The following RBM47 variants were observed in gnomAD, a reference collection of about 807,000 sequenced individuals.
RBM47 encodes the protein RNA binding motif protein 47.
A neutral mutation model predicts 47.1 loss-of-function variants in RBM47; 21 were observed. The observed-to-expected ratio is 0.45, with a 90% CI of 0.32 to 0.64. The LOEUF (loss-of-function observed/expected upper bound fraction) is 0.64. Among genes scored for constraint, RBM47 ranks in the 30% least tolerant of loss-of-function variants. The pLI is 0.05. For missense variants in RBM47, 708 were observed against 870.9 expected, an observed-to-expected ratio of 0.81 and a Z score of 2.35; for synonymous variants, 375 against 361.7, an observed-to-expected ratio of 1.04 and a Z score of -0.42.
rs149317918 is a variant in RBM47 at position 40,481,858 on chromosome 4, T to C, written c.-154-15159A>G. Among the ~76,000 whole-genome samples the C allele has an allele frequency of 3.2e-4, 49 of 152,358 alleles. No individual in the cohort carries two copies. The East Asian group carries it at 9.2e-3, about 29-fold the overall frequency. ...TGAGCCTCCGCATCCAGCCTTTTTGTATTTTTAATAGAGATGGAGTTTCGC... is the reference window on the plus strand; with the variant it reads ...TGAGCCTCCGCATCCAGCCTTTTTGCATTTTTAATAGAGATGGAGTTTCGC... On this transcript the variant is annotated intron_variant, in intron 2 of 6. Coordinates refer to ENST00000295971, the MANE Select transcript of RBM47 (RefSeq NM_001098634.2).
At chr4:40,481,334 G>A (rs1246544116) in intron 2 of RBM47, among the ~76,000 whole-genome samples, 7 of 148,430 alleles carry the variant, frequency 4.7e-5, no homozygotes, top group East Asian at 4.0e-4. Context: ...GTGCAGCGGC[G>A]TGACCTTGGC....
chr4:40,591,235 G>A (rs182333166), intron 1 of RBM47, among the ~76,000 whole-genome samples: 28 of 152,244 alleles, frequency 1.8e-4, no homozygotes, highest in African/African-American at 3.6e-4. Context: ...GGTCTCCTTG[G>A]GGGGTGATGA....
intron 2 of RBM47, among the ~76,000 whole-genome samples, chr4:40,470,836 G>A (rs558748567): frequency 2.6e-3 from 395 of 152,118 alleles, no homozygotes; most frequent in African/African-American, 9.0e-3. Flanking sequence ...TCTGCTTCCC[G>A]GGTTCAAGTG....
intron 1 of RBM47, among the ~76,000 whole-genome samples, chr4:40,598,426 T>A (rs1467840604): frequency 6.6e-6 from 1 of 152,008 alleles, no homozygotes; most frequent in African/African-American, 2.4e-5. Context: ...TTTGTATTGT[T>A]TTGTAGAGAG....
intron 3 of RBM47, among the ~76,000 whole-genome samples, chr4:40,461,239 G>C (rs1717103978): frequency 6.6e-6 from 1 of 152,162 alleles, no homozygotes; most frequent in Admixed American, 6.5e-5. Flanking sequence ...CTTTCACTGA[G>C]TGCACTTGGA....
At chr4:40,595,931 G>A (rs1734714654) in intron 1 of RBM47, among the ~76,000 whole-genome samples, 1 of 151,682 alleles carries the variant, frequency 6.6e-6, no homozygotes, top group African/African-American at 2.4e-5. Flanking sequence ...AAAAAGAGAT[G>A]TTATTTGCTC....
chr4:40,572,917 C>A (rs1459269693), intron 1 of RBM47, among the ~76,000 whole-genome samples: 2 of 151,428 alleles, frequency 1.3e-5, no homozygotes, highest in Non-Finnish European at 3.0e-5. Context: ...TTTGGGAGGC[C>A]GAGGCGGGCG....
At chr4:40,432,075 A>C (rs1409499917) in intron 6 of RBM47, among the ~76,000 whole-genome samples, 1 of 151,858 alleles carries the variant, frequency 6.6e-6, no homozygotes, top group African/African-American at 2.4e-5. Flanking sequence ...GCTGGTCCTG[A>C]ACTCCTGGCC....
In RBM47 at chr4:40,596,384, G is replaced by A. The variant is rs543930458; in HGVS notation, c.-240+33012C>T. Reference sequence around the variant, plus strand: ...GGTCTTTTATTCACTTCCTGGTGCAGGCACATGTACCTATATATTGCTCTT... The same window carrying A: ...GGTCTTTTATTCACTTCCTGGTGCAAGCACATGTACCTATATATTGCTCTT... On this transcript the variant is annotated intron_variant, in intron 1 of 6. Transcript: ENST00000295971. Among the ~76,000 whole-genome samples, 17 of 152,242 alleles carry A rather than the reference G, an allele frequency of 1.1e-4. No individual in the cohort carries two copies. In the South Asian group the frequency reaches 2.7e-3, roughly 24 times the overall value.
At chr4:40,433,832 T>C (rs898593761) in intron 5 of RBM47, among the ~76,000 whole-genome samples, 27 of 152,300 alleles carry the variant, frequency 1.8e-4, no homozygotes, top group African/African-American at 5.1e-4. Flanking sequence ...TGTGGAGTGA[T>C]TGGCTTTTAG....
chr4:40,596,347 A>AG (rs1285400665), intron 1 of RBM47, among the ~76,000 whole-genome samples: 2 of 152,256 alleles, frequency 1.3e-5, no homozygotes, highest in Admixed American at 6.5e-5. Flanking sequence ...CTTAGGTTTA[A>AG]GGGGGGGAAG....
intron 1 of RBM47, among the ~76,000 whole-genome samples, chr4:40,577,059 G>A (rs1256653891): frequency 6.6e-6 from 1 of 152,146 alleles, no homozygotes; most frequent in Non-Finnish European, 1.5e-5. Flanking sequence ...TGGCAGTAAC[G>A]AATCATTAAC....
chr4:40,533,757 C>T (rs1265447042), intron 2 of RBM47, among the ~76,000 whole-genome samples: 1 of 152,026 alleles, frequency 6.6e-6, no homozygotes, highest in Non-Finnish European at 1.5e-5. Flanking sequence ...CATCCTAGAC[C>T]CTTGCCACTC....
At chr4:40,561,546 T>TTTC (rs796690124) in intron 1 of RBM47, among the ~76,000 whole-genome samples, 28 of 136,086 alleles carry the variant, frequency 2.1e-4, no homozygotes, top group African/African-American at 4.5e-4. Flanking sequence ...CTTCTTTTCT[T>TTTC]TTTTTTTTCT....
At chr4:40,440,183 G>A (rs1353601168) in intron 3 of RBM47, among the ~76,000 whole-genome samples, 1 of 152,124 alleles carries the variant, frequency 6.6e-6, no homozygotes, top group African/African-American at 2.4e-5. Flanking sequence ...AAAGTATTCA[G>A]TTAAATTTAT....
intron 6 of RBM47, 63 bp from the exon 7 acceptor site, chr4:40,426,206 T>C: frequency 6.5e-7 from 1 of 1,547,420 alleles, no homozygotes; most frequent in Non-Finnish European, 8.7e-7. Flanking sequence ...ATCCATTCAT[T>C]CAACAAGCCT....
intron 5 of RBM47, among the ~76,000 whole-genome samples, chr4:40,434,703 C>CAAAAAAAAAA (rs201921796): frequency 1.9e-5 from 2 of 103,732 alleles, no homozygotes; most frequent in African/African-American, 3.7e-5. Flanking sequence ...TTTACACAGG[C>CAAAAAAAAAA]AAAAAAAAAA....
At chr4:40,554,243 G>A (rs1003129006) in intron 1 of RBM47, among the ~76,000 whole-genome samples, 5 of 152,012 alleles carry the variant, frequency 3.3e-5, no homozygotes, top group African/African-American at 7.2e-5. Context: ...AGTCACTTGA[G>A]TCATGCGTCA....
At position 40,437,171 on chromosome 4, in the gene RBM47, T is replaced by TAA. The variant is rs140461851; in HGVS notation, c.1124-526_1124-525dup. 6.6e-4 allele frequency among the ~76,000 whole-genome samples: 61 copies of TAA among 92,328 alleles called. 5 individuals carry two copies. Among genetic ancestry groups the TAA allele is most frequent in the African/African-American group, 2.8e-3 (53 of 18,752 alleles). The allele number at this position is 92,328 out of a possible 152,430, so 60.6% of individuals were successfully genotyped here. A position where few individuals can be genotyped will look rare whatever the true frequency, so the allele number is the denominator to read the frequency against. On this transcript the variant is annotated intron_variant, in intron 4 of 6. Transcript: ENST00000295971. The stretch of plus-strand genomic sequence containing the variant: ...TATATAAAATACATATATATATATA[T>TAA]AATACATATATATATACTATTAAAT...
Sources: gnomAD v4.1 joint callset for allele counts (sites outside exome capture counted in the v4.1 genomes callset) on GRCh38, gnomAD v4.1.1 for gene constraint, MANE v1.5 for transcripts, NCBI Gene and HGNC (gene_info 2026-07-23, HGNC 2026-07-21) for gene names.